Variants in PRKAR1A observed in about 807,000 individuals in gnomAD.
The protein encoded by PRKAR1A is protein kinase cAMP-dependent type I regulatory subunit alpha.
Under a neutral mutation model 52.0 loss-of-function variants are expected in PRKAR1A, and 3 were observed. The observed-to-expected ratio is 0.06, with a 90% confidence interval of 0.03 to 0.15. The LOEUF (loss-of-function observed/expected upper bound fraction) is 0.15. PRKAR1A is among the 10% of genes least tolerant of loss of function. The pLI, the probability that PRKAR1A is intolerant of heterozygous loss-of-function variation, is 1.00. For synonymous variants in PRKAR1A, 188 were observed against 168.4 expected, an observed-to-expected ratio of 1.12 and a Z score of -0.90; for missense variants, 240 against 477.4, an observed-to-expected ratio of 0.50 and a Z score of 4.63.
the PRKAR1A span, among the ~76,000 whole-genome samples, chr17:68,489,424 T>C: frequency 1.2e-5 from 1 of 84,950 alleles, no homozygotes; most frequent in Non-Finnish European, 2.4e-5. Flanking sequence ...ATATGGAAAG[T>C]ATATATATAT....
chr17:68,521,292 C>T (rs960885058), intron 2 of PRKAR1A, among the ~76,000 whole-genome samples: 3 of 152,136 alleles, frequency 2.0e-5, no homozygotes, highest in African/African-American at 4.8e-5. Context: ...TGCAGTGGTG[C>T]GATCATGGCT....
the PRKAR1A span, among the ~76,000 whole-genome samples, chr17:68,502,312 C>T: frequency 6.6e-6 from 1 of 152,040 alleles, no homozygotes; most frequent in African/African-American, 2.4e-5. Flanking sequence ...TTTCATGCAG[C>T]ATAAATGCTA....
chr17:68,464,483 C>A, the PRKAR1A span, among the ~76,000 whole-genome samples: 54 of 152,240 alleles, frequency 3.5e-4, 1 homozygote, highest in Middle Eastern at 0.01. Flanking sequence ...GAGTTCGAGA[C>A]CAGCCTGGCC....
chr17:68,472,111 C>T, the PRKAR1A span, among the ~76,000 whole-genome samples: 6 of 152,066 alleles, frequency 3.9e-5, no homozygotes, highest in Non-Finnish European at 7.4e-5. Flanking sequence ...GCCTGCACTG[C>T]CTAGTTTCTA....
At chr17:68,526,724 C>T (rs1382738219) in intron 7 of PRKAR1A, among the ~76,000 whole-genome samples, 1 of 152,042 alleles carries the variant, frequency 6.6e-6, no homozygotes, top group Admixed American at 6.6e-5. Context: ...AATGAGAACA[C>T]GTGGATACTA....
intron 11 of PRKAR1A, chr17:68,543,509 A>T: frequency 1.2e-6 from 1 of 859,688 alleles, no homozygotes; most frequent in Non-Finnish European, 2.0e-6. Flanking sequence ...AGGCACGAAG[A>T]AGATAGAAAG....
At chr17:68,436,462 TAG>T in the PRKAR1A span, 28 of 1,613,738 alleles carry the variant, frequency 1.7e-5, no homozygotes, top group Non-Finnish European at 2.3e-5. Flanking sequence ...GAATGGTTGA[TAG>T]AGAGAGCACA....
At chr17:68,473,247 A>G in the PRKAR1A span, among the ~76,000 whole-genome samples, 1 of 152,236 alleles carries the variant, frequency 6.6e-6, no homozygotes, top group African/African-American at 2.4e-5. Flanking sequence ...TTACATTTAA[A>G]CTAAAATTAA....
the PRKAR1A span, among the ~76,000 whole-genome samples, chr17:68,489,690 A>C: frequency 6.6e-6 from 1 of 150,392 alleles, no homozygotes; most frequent in Non-Finnish European, 1.5e-5. Context: ...AGCTGGGATT[A>C]CAGGTGCGTG....
the PRKAR1A span, chr17:68,433,325 C>T: frequency 0.049 from 38,792 of 784,906 alleles, 1,191 homozygotes; most frequent in Middle Eastern, 0.1. Flanking sequence ...GTTTTGCTAA[C>T]ACACACTCCA....
the PRKAR1A span, among the ~76,000 whole-genome samples, chr17:68,435,253 A>G: frequency 6.6e-6 from 1 of 151,820 alleles, no homozygotes; most frequent in Non-Finnish European, 1.5e-5. Context: ...TGATTATTCC[A>G]GGCAGAAGAC....
intron 11 of PRKAR1A, among the ~76,000 whole-genome samples, chr17:68,549,923 C>G (rs2086754712): frequency 6.6e-6 from 1 of 152,234 alleles, no homozygotes; most frequent in Non-Finnish European, 1.5e-5. Flanking sequence ...GATGAGGTCT[C>G]TCCTGAAATT....
the PRKAR1A span, among the ~76,000 whole-genome samples, chr17:68,497,330 A>G: frequency 1.3e-5 from 2 of 152,178 alleles, no homozygotes; most frequent in African/African-American, 4.8e-5. Context: ...CACAAAGTCT[A>G]AAATAATTAC....
the PRKAR1A span, chr17:68,413,883 GCCGTCTGTCA>G: frequency 6.6e-6 from 1 of 152,480 alleles, no homozygotes; most frequent in Non-Finnish European, 1.5e-5. Context: ...TTTTCCAGGT[GCCGTCTGTCA>G]CCCCTTTCTT....
At chr17:68,535,628 G>A (rs1402644662), downstream of PRKAR1A, 4 of 453,780 alleles carry the variant, frequency 8.8e-6, no homozygotes, top group South Asian at 1.6e-5. Context: ...GGAAATCTTT[G>A]GGATTAAGGT....
the PRKAR1A span, among the ~76,000 whole-genome samples, chr17:68,435,423 C>T: frequency 2.6e-5 from 4 of 152,166 alleles, 1 homozygote; most frequent in Admixed American, 2.6e-4. Flanking sequence ...TATTGCAGGC[C>T]CCTGGCCTAT....
At chr17:68,468,420 T>C in the PRKAR1A span, among the ~76,000 whole-genome samples, 1 of 152,218 alleles carries the variant, frequency 6.6e-6, no homozygotes, top group Non-Finnish European at 1.5e-5. Flanking sequence ...TGTCCTGGTT[T>C]GACGTTTTGA....
intron 2 of PRKAR1A, among the ~76,000 whole-genome samples, chr17:68,520,321 A>G (rs1031851188): frequency 1.3e-5 from 2 of 152,230 alleles, no homozygotes; most frequent in African/African-American, 2.4e-5. Context: ...TCGGGAAAAC[A>G]TAGTAGTGGG....
the PRKAR1A span, among the ~76,000 whole-genome samples, chr17:68,449,161 C>T: frequency 6.6e-6 from 1 of 152,182 alleles, no homozygotes; most frequent in Non-Finnish European, 1.5e-5. Flanking sequence ...GCAGCAACCG[C>T]TCTGGGAATA....
Sources: gnomAD v4.1 joint callset for allele counts (sites outside exome capture counted in the v4.1 genomes callset) on GRCh38, gnomAD v4.1.1 for gene constraint, MANE v1.5 for transcripts, NCBI Gene and HGNC (gene_info 2026-07-23, HGNC 2026-07-21) for gene names.